The following SPEM2 variants were observed in gnomAD, a reference collection of about 807,000 sequenced individuals.
The protein encoded by SPEM2 is SPEM family member 2.
Under a neutral mutation model 9.3 loss-of-function variants are expected in SPEM2, and 15 were observed. The ratio of observed to expected loss-of-function variants is 1.62; its 90% CI spans 1.08 to 2.50. The LOEUF is 2.50. SPEM2 is among the 30% of genes most tolerant of loss of function. The pLI, the probability that SPEM2 is intolerant of heterozygous loss-of-function variation, is 0.00. For synonymous variants in SPEM2, 268 were observed against 272.4 expected (o/e 0.98, Z 0.16); for missense variants, 678 against 690.0 (o/e 0.98, Z 0.19).
Position 7,426,999 on chromosome 17 carries a change from C to G in SPEM2, c.1008C>G (p.Ala336=), listed in dbSNP as rs771511134. The G allele has an allele frequency of 6.2e-7, 1 of 1,611,602 alleles. No homozygotes were observed. Among genetic ancestry groups the G allele is most frequent in the Non-Finnish European group, 8.5e-7 (1 of 1,179,850 alleles). ...TGTCCCGGAACGCCCGGCCTGAGGC[C>G]CAGGGCTGCCGGGAGCACCACTCCC... ...ASVSRNARPE[A]QGCREHHSPQ... Residue 336 remains alanine, a synonymous_variant, in exon 3 of 3, where the codon GCC becomes GCG. Transcript: ENST00000333870. The surrounding 1 kb of genome is among the most constrained non-coding windows in gnomAD (Gnocchi z 5.3).
rs1907589798 is a variant in SPEM2 at position 7,426,221 on chromosome 17, G to A, written c.230G>A (p.Gly77Asp). 8 of 1,613,764 alleles carry A rather than the reference G, an allele frequency of 5.0e-6. No homozygotes were observed. Among genetic ancestry groups the A allele is most frequent in the African/African-American group, 1.3e-5 (1 of 74,848 alleles). The change falls in exon 3 of 3, where the codon GGT becomes GAT. Residue 77 changes from glycine to aspartate, a missense_variant. Gly to Asp is a moderately conservative substitution (Grantham distance 94, BLOSUM62 -1). Coordinates refer to ENST00000333870, the MANE Select transcript of SPEM2 (RefSeq NM_175734.5). This position sits in a 1 kb window ranked among gnomAD's most constrained non-coding sequence, Gnocchi z 5.3. ...EIQASESPPS[G>D]PPDKAQDVHI... is the part of the protein sequence containing the mutation. ...CAGGCCAGTGAAAGTCCCCCAAGTG[G>A]TCCCCCAGACAAGGCTCAGGATGTC...
In SPEM2 at chr17:7,425,659, T is replaced by C; in HGVS notation, c.-30T>C. 1 of 1,552,066 alleles carries C rather than the reference T, an allele frequency of 6.4e-7. No homozygotes were observed. Among genetic ancestry groups the C allele is most frequent in the Non-Finnish European group, 8.8e-7 (1 of 1,142,034 alleles). ...GCCGGGGGTGGGGGGCAGAGGGGGG[T>C]GGCCCAGGTGGCCCTAGGACCCCCC... On this transcript the variant is annotated 5_prime_UTR_variant, in exon 1 of 3. Transcript: ENST00000333870.
rs560174146 is a variant in SPEM2, at chr17:7,426,900, G to A, written c.909G>A (p.Val303=). Residue 303 remains valine (V), a synonymous_variant, in exon 3 of 3, where the codon GTG becomes GTA. Coordinates refer to ENST00000333870, the MANE Select transcript of SPEM2 (RefSeq NM_175734.5). The surrounding 1 kb of genome is among the most constrained non-coding windows in gnomAD (Gnocchi z 5.3). ...TGGGGCACAGCCCTTACCCCTCAGT[G>A]GGCTGGATGCTGTATGACTCCTGGG... ...VPVGHSPYPS[V]GWMLYDSWDQ... is the part of the protein sequence containing the mutation. The A allele has an allele frequency of 6.8e-6, 11 of 1,613,342 alleles. No homozygotes were observed. In the African/African-American group the frequency reaches 1.3e-4, roughly 20 times the overall value.
At chr17:7,425,930 G>C in intron 1 of SPEM2, 63 bp from the exon 2 acceptor site, 1 of 1,612,490 alleles carries the variant, frequency 6.2e-7, no homozygotes, top group Admixed American at 1.7e-5. Context: ...ATTGGGGCGG[G>C]GGCAGGGGTG....
In SPEM2 at chr17:7,427,213, G is replaced by A; in HGVS notation, c.1222G>A (p.Asp408Asn). The A allele has an allele frequency of 1.2e-6, 2 of 1,614,192 alleles. No homozygotes were observed. The highest frequency in any genetic ancestry group is 1.7e-6 in the Non-Finnish European group (2 of 1,180,024). ...LTTSASLTVL[D>N]EASHQRTPAP... Reference sequence around the variant, plus strand: ...TACCTCTGCCTCCCTCACGGTGTTGGACGAGGCCTCCCATCAACGGACCCC... The same window carrying A: ...TACCTCTGCCTCCCTCACGGTGTTGAACGAGGCCTCCCATCAACGGACCCC... Residue 408 changes from aspartate to asparagine, a missense_variant, in exon 3 of 3, where the codon GAC becomes AAC. Asp to Asn is a conservative substitution (Grantham distance 23). Coordinates refer to ENST00000333870, the MANE Select transcript of SPEM2 (RefSeq NM_175734.5). This position sits in a 1 kb window ranked among gnomAD's most constrained non-coding sequence, Gnocchi z 5.4.
chr17:7,426,526 G>T lies in SPEM2; in HGVS notation c.535G>T (p.Glu179Ter). 1.2e-6 allele frequency: 2 copies of T among 1,614,106 alleles called. No homozygotes were observed. Among genetic ancestry groups the T allele is most frequent in the Non-Finnish European group, 1.7e-6 (2 of 1,180,032 alleles). ...ACACCGAGTGCCTTTCTTTGATCAG[G>T]AGGACCCGGATTCCTACCTGGAGGA... ...QLHRVPFFDQ[E>*]DPDSYLEEED... The change falls in exon 3 of 3, where the codon GAG (glutamate) becomes TAG (stop). Residue 179 changes from glutamate (E) to a stop codon, truncating the protein, a stop_gained. Coordinates refer to ENST00000333870, the MANE Select transcript of SPEM2 (RefSeq NM_175734.5). LOFTEE classifies it low-confidence loss of function (END_TRUNC). This position sits in a 1 kb window ranked among gnomAD's most constrained non-coding sequence, Gnocchi z 5.3.
Position 7,426,602 on chromosome 17 carries a change from G to A in SPEM2, c.611G>A (p.Gly204Asp), listed in dbSNP as rs1243310999. 6.2e-7 allele frequency: 1 copy of A among 1,614,022 alleles called. No individual in the cohort carries two copies. Among genetic ancestry groups the A allele is most frequent in the Non-Finnish European group, 8.5e-7 (1 of 1,180,000 alleles). Residue 204 changes from glycine to aspartate, a missense_variant, in exon 3 of 3, where the codon GGC becomes GAC. Transcript: ENST00000333870. The surrounding 1 kb of genome is among the most constrained non-coding windows in gnomAD (Gnocchi z 5.3). The stretch of plus-strand genomic sequence containing the variant: ...CCCAAGTACCCACGTCGCGGCTGGG[G>A]CGGGTTTTATCAGAGAGCGGGCCTG... ...PYPKYPRRGW[G>D]GFYQRAGLPS...
Position 7,427,125 on chromosome 17 carries a change from C to G in SPEM2, c.1134C>G (p.Pro378=), listed in dbSNP as rs773219903. Residue 378 remains proline, a synonymous_variant, in exon 3 of 3, where the codon CCC becomes CCG. Transcript: ENST00000333870. The surrounding 1 kb of genome is among the most constrained non-coding windows in gnomAD (Gnocchi z 5.4). The part of the protein sequence containing the change: ...TEPLGYSSQD[P]REVRRRAADW... Reference sequence around the variant, plus strand: ...CCTTGGGCTACAGCTCCCAGGACCCCCGTGAGGTGCGGCGTCGGGCAGCTG... The same window carrying G: ...CCTTGGGCTACAGCTCCCAGGACCCGCGTGAGGTGCGGCGTCGGGCAGCTG... 4.0e-5 allele frequency: 65 copies of G among 1,613,046 alleles called. No homozygotes were observed. Among genetic ancestry groups the G allele is most frequent in the Non-Finnish European group, 5.4e-5 (64 of 1,179,652 alleles).
At position 7,426,321 on chromosome 17, in the gene SPEM2, C is replaced by T; in HGVS notation, c.330C>T (p.His110=). ...RPTQYSSFSC[H]HFSNHHSSSL... is the part of the protein sequence containing the mutation. ...CGCAGTACTCCTCTTTCTCCTGCCA[C>T]CATTTCTCCAACCATCACAGTAGCA... The change falls in exon 3 of 3, where the codon CAC becomes CAT. Residue 110 remains histidine, a synonymous_variant. Coordinates refer to ENST00000333870, the MANE Select transcript of SPEM2 (RefSeq NM_175734.5). The surrounding 1 kb of genome is among the most constrained non-coding windows in gnomAD (Gnocchi z 5.3). The T allele has an allele frequency of 6.2e-7, 1 of 1,614,206 alleles. No individual in the cohort carries two copies. Among genetic ancestry groups the T allele is most frequent in the African/African-American group, 1.3e-5 (1 of 75,048 alleles).
chr17:7,426,378 C>T lies in SPEM2; in HGVS notation c.387C>T (p.Arg129=), dbSNP rs768070648. The T allele has an allele frequency of 1.2e-6, 2 of 1,613,490 alleles. No individual in the cohort carries two copies. The highest frequency in any genetic ancestry group is 8.5e-7 in the Non-Finnish European group (1 of 1,179,966). ...TTCGCTGTGTTCGTCGCCGCCGCCG[C>T]CGCCACCGCCGTTGTCGCCGTCGCT... ...SLLRCVRRRR[R]RHRRCRRRCC... The change falls in exon 3 of 3, where the codon CGC becomes CGT. Residue 129 remains arginine (R), a synonymous_variant. Transcript: ENST00000333870. The surrounding 1 kb of genome is among the most constrained non-coding windows in gnomAD (Gnocchi z 5.3).
rs201061346 is a variant in SPEM2, at chr17:7,426,985, G to A, written c.994G>A (p.Ala332Thr). Residue 332 changes from alanine to threonine, a missense_variant, in exon 3 of 3, where the codon GCC becomes ACC. Ala to Thr is a moderately conservative substitution (Grantham distance 58). Transcript: ENST00000333870. The surrounding 1 kb of genome is among the most constrained non-coding windows in gnomAD (Gnocchi z 5.3). Reference protein sequence around the residue: ...ERPPASVSRNARPEAQGCREH... With the variant: ...ERPPASVSRNTRPEAQGCREH... ...CCCCCCTGCCTCGGTGTCCCGGAAC[G>A]CCCGGCCTGAGGCCCAGGGCTGCCG... is the stretch of plus-strand genomic sequence containing the variant. 2.7e-5 allele frequency: 44 copies of A among 1,611,432 alleles called. No homozygotes were observed. The highest frequency in any genetic ancestry group is 5.0e-5 in the Admixed American group (3 of 59,950).
In SPEM2 at chr17:7,426,716, G is replaced by T. The variant is rs1315635120; in HGVS notation, c.725G>T (p.Cys242Phe). The T allele has an allele frequency of 6.2e-7, 1 of 1,613,386 alleles. No individual in the cohort carries two copies. The highest frequency in any genetic ancestry group is 1.7e-5 in the Admixed American group (1 of 59,978). The change falls in exon 3 of 3, where the codon TGC becomes TTC. Residue 242 changes from cysteine to phenylalanine, a missense_variant. Cys to Phe is a radical substitution (Grantham distance 205, BLOSUM62 -2). Coordinates refer to ENST00000333870, the MANE Select transcript of SPEM2 (RefSeq NM_175734.5). The surrounding 1 kb of genome is among the most constrained non-coding windows in gnomAD (Gnocchi z 5.3). ...CTCTACCTGTCACCTGAGCTGCGCT[G>T]CATGCCCAAGCGTGTAGAGGCCAGG... Reference protein sequence around the residue: ...PSLYLSPELRCMPKRVEARSE... With the variant: ...PSLYLSPELRFMPKRVEARSE...
chr17:7,425,833 G>C lies in SPEM2; in HGVS notation c.138+7G>C. 2.5e-6 allele frequency: 4 copies of C among 1,614,156 alleles called. No individual in the cohort carries two copies. The South Asian group carries it at 4.4e-5, about 18-fold the overall frequency. The stretch of plus-strand genomic sequence containing the variant: ...CATCAACGTGGCAACTATGGTCAGT[G>C]ATGATTGTGGACTACCTCTGGGGGT... On this transcript the variant is annotated splice_region_variant and intron_variant, in intron 1 of 2. Transcript: ENST00000333870.
Position 7,427,005 on chromosome 17 carries a change from C to T in SPEM2, c.1014C>T (p.Gly338=), listed in dbSNP as rs746650489. 1.2e-6 allele frequency: 2 copies of T among 1,611,466 alleles called. No homozygotes were observed. Among genetic ancestry groups the T allele is most frequent in the East Asian group, 4.5e-5 (2 of 44,876 alleles). ...VSRNARPEAQ[G]CREHHSPQSH... ...GGAACGCCCGGCCTGAGGCCCAGGG[C>T]TGCCGGGAGCACCACTCCCCACAGT... is the stretch of plus-strand genomic sequence containing the variant. The change falls in exon 3 of 3, where the codon GGC becomes GGT. Residue 338 remains glycine (G), a synonymous_variant. Coordinates refer to ENST00000333870, the MANE Select transcript of SPEM2 (RefSeq NM_175734.5). The surrounding 1 kb of genome is among the most constrained non-coding windows in gnomAD (Gnocchi z 5.4).
rs376929151 is a variant in SPEM2 at position 7,426,178 on chromosome 17, C to G, written c.197-10C>G. ...ATTGCCCTGACTTCATGGACTCTTG[C>G]CTTCCCCAGATGAAATTCAGGCCAG... On this transcript the variant is annotated splice_polypyrimidine_tract_variant and intron_variant, in intron 2 of 2. Coordinates refer to ENST00000333870, the MANE Select transcript of SPEM2 (RefSeq NM_175734.5). This position sits in a 1 kb window ranked among gnomAD's most constrained non-coding sequence, Gnocchi z 5.3. 6.2e-7 allele frequency: 1 copy of G among 1,612,788 alleles called. No homozygotes were observed. The highest frequency in any genetic ancestry group is 8.5e-7 in the Non-Finnish European group (1 of 1,179,144).
rs779400015 is a variant in SPEM2 at position 7,427,482 on chromosome 17, C to T, written c.1491C>T (p.Thr497=). The T allele has an allele frequency of 8.9e-6, 14 of 1,574,054 alleles. No homozygotes were observed. The East Asian group carries it at 1.1e-4, about 13-fold the overall frequency. ...GGCCCTCTCTGCACAGGAGCCAGAC[C>T]GAGAAACTCAACTGACCAGCAGGCG... is the stretch of plus-strand genomic sequence containing the variant. ...TLRPSLHRSQ[T]EKLN The change falls in exon 3 of 3, where the codon ACC becomes ACT. Residue 497 remains threonine (T), a synonymous_variant. Transcript: ENST00000333870. This position sits in a 1 kb window ranked among gnomAD's most constrained non-coding sequence, Gnocchi z 5.4.
rs1352016257 is a variant in SPEM2, at chr17:7,426,053, A to G, written c.196+3A>G. 2 of 1,614,170 alleles carry G rather than the reference A, an allele frequency of 1.2e-6. No individual in the cohort carries two copies. Among genetic ancestry groups the G allele is most frequent in the Non-Finnish European group, 1.7e-6 (2 of 1,180,026 alleles). ...GATTGATTGGGCTACTCAGAAAAGTAAGTGTGGCTGCTGGAGAGGTAGGGG... is the reference window on the plus strand; with the variant it reads ...GATTGATTGGGCTACTCAGAAAAGTGAGTGTGGCTGCTGGAGAGGTAGGGG... On this transcript the variant is annotated splice_donor_region_variant and intron_variant, in intron 2 of 2. Transcript: ENST00000333870. This position sits in a 1 kb window ranked among gnomAD's most constrained non-coding sequence, Gnocchi z 5.3.
chr17:7,427,096 G>C lies in SPEM2; in HGVS notation c.1105G>C (p.Glu369Gln). The change falls in exon 3 of 3, where the codon GAA becomes CAA. Residue 369 changes from glutamate (E) to glutamine (Q), a missense_variant. Glu to Gln is a conservative substitution (Grantham distance 29, BLOSUM62 2). Coordinates refer to ENST00000333870, the MANE Select transcript of SPEM2 (RefSeq NM_175734.5). The surrounding 1 kb of genome is among the most constrained non-coding windows in gnomAD (Gnocchi z 5.4). ...QSHRSPHPST[E>Q]PLGYSSQDPR... ...CCACCGCAGTCCCCACCCATCCACG[G>C]AACCCTTGGGCTACAGCTCCCAGGA... 1 of 1,613,576 alleles carries C rather than the reference G, an allele frequency of 6.2e-7. No individual in the cohort carries two copies. Among genetic ancestry groups the C allele is most frequent in the South Asian group, 1.1e-5 (1 of 91,018 alleles).
Position 7,427,409 on chromosome 17 carries a change from GCAGAGC to G in SPEM2, c.1422_1427del (p.Ala475_Arg476del). 1 of 1,613,364 alleles carries G rather than the reference GCAGAGC, an allele frequency of 6.2e-7. No homozygotes were observed. Among genetic ancestry groups the G allele is most frequent in the Non-Finnish European group, 8.5e-7 (1 of 1,179,760 alleles). ...GAGCTGAAGCGGCAGGTGCAGAAGAGCAGAGCCAGGTCCAGCTCACTGCCACCGGCT... is the reference window on the plus strand; with the variant it reads ...GAGCTGAAGCGGCAGGTGCAGAAGAGCAGGTCCAGCTCACTGCCACCGGCT... On this transcript the variant is annotated inframe_deletion, in exon 3 of 3. Transcript: ENST00000333870. This position sits in a 1 kb window ranked among gnomAD's most constrained non-coding sequence, Gnocchi z 5.4.
Sources: gnomAD v4.1 joint callset for allele counts on GRCh38, gnomAD v4.1.1 for gene constraint, Gnocchi (gnomAD v3.1) non-coding constraint, MANE v1.5 for transcripts, NCBI Gene and HGNC (gene_info 2026-07-23, HGNC 2026-07-21) for gene names.